The following LETM1 variants were observed in gnomAD, a reference collection of about 807,000 sequenced individuals.
The protein encoded by LETM1 is mitochondrial proton/calcium exchanger protein.
In LETM1, 50 loss-of-function variants were observed where a neutral mutation model predicts 74.5. The observed-to-expected ratio is 0.67, with a 90% confidence interval of 0.53 to 0.85. LETM1 has a LOEUF of 0.85. Among genes scored for constraint, LETM1 ranks in the 40% least tolerant of loss-of-function variants. The pLI is 0.00. For missense variants in LETM1, 824 were observed against 967.8 expected, an observed-to-expected ratio of 0.85 and a Z score of 1.97; for synonymous variants, 446 against 407.1, an observed-to-expected ratio of 1.10 and a Z score of -1.15.
At chr4:1,828,918 A>T (rs1169117382) in intron 6 of LETM1, among the ~76,000 whole-genome samples, 3 of 85,132 alleles carry the variant, frequency 3.5e-5, no homozygotes, top group African/African-American at 1.1e-4. Flanking sequence ...GGGGCTCCTC[A>T]CTTCCCAGTA....
At chr4:1,818,410 G>A (rs201791662) in intron 11 of LETM1, among the ~76,000 whole-genome samples, 3 of 151,942 alleles carry the variant, frequency 2.0e-5, no homozygotes, top group Admixed American at 1.3e-4. Flanking sequence ...TCAGGAGTTC[G>A]AGACCAGCCT....
rs1722541678 is a variant in LETM1, at chr4:1,814,064, C to T, written c.*360G>A. On this transcript the variant is annotated 3_prime_UTR_variant, in exon 14 of 14. Coordinates refer to ENST00000302787, the MANE Select transcript of LETM1 (RefSeq NM_012318.3). ...GCCAGCTCTGTGTGGGCGGAGTCCA[C>T]GTGGTCCTCATTCTCTTCCCTGGGG... 1.4e-5 allele frequency: 4 copies of T among 285,904 alleles called. No individual in the cohort carries two copies. The highest frequency in any genetic ancestry group is 1.4e-5 in the Non-Finnish European group (2 of 147,128). 17.7% of individuals were successfully genotyped at this position (285,904 alleles called of 1,614,324 possible). A position where few individuals can be genotyped will look rare whatever the true frequency, so the allele number is the denominator to read the frequency against.
chr4:1,829,335 C>A (rs1014496694), intron 6 of LETM1, among the ~76,000 whole-genome samples: 6 of 146,950 alleles, frequency 4.1e-5, no homozygotes, highest in Admixed American at 2.7e-4. Flanking sequence ...GGGCGGCTGG[C>A]CAGGCGGAGG....
chr4:1,819,494 A>T (rs897595258), intron 10 of LETM1, 22 bp from the exon 11 acceptor site: 2 of 1,605,684 alleles, frequency 1.2e-6, no homozygotes. Flanking sequence ...ATGGGCAAAC[A>T]ACAAAGCCTG....
At chr4:1,843,213 GTGTTAACAGATA>G (rs1712764614) in intron 2 of LETM1, 1 of 157,166 alleles carries the variant, frequency 6.4e-6, no homozygotes, top group East Asian at 1.9e-4. Flanking sequence ...GTGAATTTGT[GTGTTAACAGATA>G]CTAAGTACCA....
Position 1,832,726 on chromosome 4 carries a change from G to A in LETM1, c.1080+18C>T. ...GGTAAAACACCAGAGCTGTGGCGCG[G>A]AGTATGGCCAGGCTCACCTTGTCGT... On this transcript the variant is annotated intron_variant, in intron 6 of 13. Coordinates refer to ENST00000302787, the MANE Select transcript of LETM1 (RefSeq NM_012318.3). 2 of 1,611,170 alleles carry A rather than the reference G, an allele frequency of 1.2e-6. No homozygotes were observed. The highest frequency in any genetic ancestry group is 1.7e-6 in the Non-Finnish European group (2 of 1,177,390).
intron 3 of LETM1, among the ~76,000 whole-genome samples, chr4:1,838,290 G>A (rs1712525848): frequency 6.6e-6 from 1 of 152,036 alleles, no homozygotes; most frequent in Admixed American, 6.6e-5. Flanking sequence ...AGTAGAGACA[G>A]GGTTTCACCG....
At chr4:1,832,201 C>A (rs1482881309) in intron 6 of LETM1, among the ~76,000 whole-genome samples, 1 of 152,028 alleles carries the variant, frequency 6.6e-6, no homozygotes, top group Non-Finnish European at 1.5e-5. Flanking sequence ...ACTCTGGAGG[C>A]TGAGGCAGGA....
intron 6 of LETM1, among the ~76,000 whole-genome samples, chr4:1,826,683 G>T (rs868381071): frequency 1.3e-5 from 2 of 152,250 alleles, no homozygotes; most frequent in African/African-American, 4.8e-5. Context: ...TGCAGCATGC[G>T]TGCCCTCCTT....
intron 9 of LETM1, 158 bp downstream of exon 9, chr4:1,822,830 G>T: frequency 3.0e-6 from 2 of 657,182 alleles, no homozygotes; most frequent in Non-Finnish European, 4.3e-6. Flanking sequence ...CCTCACACCC[G>T]GGCACCCTGC....
In LETM1 at chr4:1,819,566, C is replaced by T. The variant is rs191519261; in HGVS notation, c.1609-94G>A. On this transcript the variant is annotated intron_variant, in intron 10 of 13. Coordinates refer to ENST00000302787, the MANE Select transcript of LETM1 (RefSeq NM_012318.3). ...AGCTGCTCTGTTCATATTATACGGG[C>T]AGCCCAGGGCAAGAGTCTCACTGGA... 10 of 1,385,766 alleles carry T rather than the reference C, an allele frequency of 7.2e-6. No homozygotes were observed. The East Asian group carries it at 2.2e-4, about 30-fold the overall frequency. The allele number at this position is 1,385,766 out of a possible 1,614,324, so 85.8% of individuals were successfully genotyped here.
chr4:1,836,623 G>A lies in LETM1; in HGVS notation c.595-51C>T. 6.3e-7 allele frequency: 1 copy of A among 1,596,406 alleles called. No individual in the cohort carries two copies. The highest frequency in any genetic ancestry group is 8.6e-7 in the Non-Finnish European group (1 of 1,166,740). ...GGGAGCAGAGCACATGTGGGAACAAGGGCAAGGGGTGTGAGCATTTCTCCT... is the reference window on the plus strand; with the variant it reads ...GGGAGCAGAGCACATGTGGGAACAAAGGCAAGGGGTGTGAGCATTTCTCCT... On this transcript the variant is annotated intron_variant, in intron 3 of 13. Coordinates refer to ENST00000302787, the MANE Select transcript of LETM1 (RefSeq NM_012318.3). The surrounding 1 kb of genome is among the most constrained non-coding windows in gnomAD (Gnocchi z 5.8).
Position 1,836,380 on chromosome 4 carries a change from A to G in LETM1, c.738+49T>C, listed in dbSNP as rs1424351745. On this transcript the variant is annotated intron_variant, in intron 4 of 13. Transcript: ENST00000302787. This position sits in a 1 kb window ranked among gnomAD's most constrained non-coding sequence, Gnocchi z 5.8. ...AGTCACAAACAAGGAAGCCATCACA[A>G]TGAATTTCAGACTCATTCTAAAACA... 1 of 1,594,978 alleles carries G rather than the reference A, an allele frequency of 6.3e-7. No individual in the cohort carries two copies. The highest frequency in any genetic ancestry group is 8.6e-7 in the Non-Finnish European group (1 of 1,164,438).
At chr4:1,831,140 G>T (rs958311545) in intron 6 of LETM1, among the ~76,000 whole-genome samples, 3 of 152,224 alleles carry the variant, frequency 2.0e-5, no homozygotes, top group Non-Finnish European at 4.4e-5. Flanking sequence ...CTCCCCATGG[G>T]TGTGGAGGTT....
chr4:1,855,064 G>T (rs1327011515), intron 1 of LETM1, among the ~76,000 whole-genome samples: 1 of 152,116 alleles, frequency 6.6e-6, no homozygotes, highest in Non-Finnish European at 1.5e-5. Context: ...GTGTTGTGTG[G>T]CACAACTAAC....
intron 1 of LETM1, 65 bp from the exon 2 acceptor site, chr4:1,849,274 T>C: frequency 1.6e-6 from 2 of 1,247,522 alleles, no homozygotes; most frequent in Non-Finnish European, 2.3e-6. Context: ...TACCTTTTTT[T>C]GTTGTTGGTT....
In LETM1 at chr4:1,822,974, G is replaced by C; in HGVS notation, c.1476+14C>G. 3 of 1,538,094 alleles carry C rather than the reference G, an allele frequency of 2.0e-6. No homozygotes were observed. Among genetic ancestry groups the C allele is most frequent in the Non-Finnish European group, 2.6e-6 (3 of 1,138,188 alleles). The stretch of plus-strand genomic sequence containing the variant: ...GGACAGCCCCACGCGGCACGGAGCA[G>C]GACCACCGCTTACCGCCACCTCCGA... On this transcript the variant is annotated intron_variant, in intron 9 of 13. Transcript: ENST00000302787.
chr4:1,820,381 G>A (rs2108837010), intron 10 of LETM1, among the ~76,000 whole-genome samples: 1 of 152,316 alleles, frequency 6.6e-6, no homozygotes, highest in Non-Finnish European at 1.5e-5. Context: ...CATTACCATA[G>A]TGAAGCACAA....
Position 1,855,958 on chromosome 4 carries a change from G to C in LETM1, c.-8C>G, listed in dbSNP as rs957758166. ...CAGTAAGATGGACGCCATGTGCTCG[G>C]GCGCGGCGGCCGCTCCGGCCTCCTG... On this transcript the variant is annotated 5_prime_UTR_variant, in exon 1 of 14. Transcript: ENST00000302787. The C allele has an allele frequency of 8.2e-6, 10 of 1,212,684 alleles. No homozygotes were observed. The highest frequency in any genetic ancestry group is 1.0e-5 in the Non-Finnish European group (10 of 976,454). The allele number at this position is 1,212,684 out of a possible 1,614,324, so 75.1% of individuals were successfully genotyped here. A position where few individuals can be genotyped will look rare whatever the true frequency, so the allele number is the denominator to read the frequency against.
Sources: gnomAD v4.1 joint callset for allele counts (sites outside exome capture counted in the v4.1 genomes callset) on GRCh38, gnomAD v4.1.1 for gene constraint, Gnocchi (gnomAD v3.1) non-coding constraint, MANE v1.5 for transcripts, NCBI Gene and HGNC (gene_info 2026-07-23, HGNC 2026-07-21) for gene names.